Variants in WWOX observed in about 807,000 individuals in gnomAD.
WWOX encodes WW domain containing oxidoreductase.
In WWOX, 69 loss-of-function variants were observed where a neutral mutation model predicts 46.2. The ratio of observed to expected loss-of-function variants is 1.49; its 90% CI spans 1.23 to 1.82. The LOEUF is 1.82. Ranked by LOEUF, WWOX falls within the 40% of genes most tolerant of loss-of-function variation. The pLI, the probability that WWOX is intolerant of heterozygous loss-of-function variation, is 0.00. For missense variants in WWOX, 919 were observed against 542.6 expected (o/e 1.69, Z -6.89); for synonymous variants, 359 against 202.6 (o/e 1.77, Z -6.56).
chr16:78,292,969 T>C (rs1218948675), intron 5 of WWOX, among the ~76,000 whole-genome samples: 1 of 152,198 alleles, frequency 6.6e-6, no homozygotes, highest in East Asian at 1.9e-4. Flanking sequence ...CTCCCCACCC[T>C]TGTTGAACAG....
intron 8 of WWOX, among the ~76,000 whole-genome samples, chr16:78,466,797 G>A (rs968161606): frequency 5.9e-5 from 9 of 152,042 alleles, no homozygotes; most frequent in Admixed American, 2.0e-4. Context: ...GCAGTGAGCC[G>A]ATATCTCACC....
chr16:78,167,166 A>T (rs2035001419), intron 5 of WWOX: 1 of 152,188 alleles, frequency 6.6e-6, no homozygotes, highest in South Asian at 2.1e-4. Flanking sequence ...TATATATGAG[A>T]ACACATTCAT....
chr16:78,886,070 G>A lies in WWOX; in HGVS notation c.1057-325538G>A, dbSNP rs1159577553. 2.6e-5 allele frequency among the ~76,000 whole-genome samples: 4 copies of A among 151,590 alleles called. No homozygotes were observed. In the East Asian group the frequency reaches 7.8e-4, roughly 29 times the overall value. On this transcript the variant is annotated intron_variant, in intron 8 of 8. Transcript: ENST00000566780. ...ATCCTGAGTAGCTGGGATTACAGGT[G>A]CTCGCCACCACACCAGGCTAATTTT...
intron 8 of WWOX, among the ~76,000 whole-genome samples, chr16:78,940,780 C>T (rs960930207): frequency 6.9e-6 from 1 of 144,406 alleles, no homozygotes; most frequent in Admixed American, 7.2e-5. Context: ...TGTTTGTTAT[C>T]TTATTGTCCT....
At chr16:78,149,700 GA>G (rs2151718742) in intron 4 of WWOX, among the ~76,000 whole-genome samples, 1 of 152,288 alleles carries the variant, frequency 6.6e-6, no homozygotes, top group Admixed American at 6.5e-5. Context: ...GTACACATAT[GA>G]GAAGCCTATA....
chr16:78,735,200 C>G (rs1012012907), intron 8 of WWOX, among the ~76,000 whole-genome samples: 1 of 152,074 alleles, frequency 6.6e-6, no homozygotes, highest in East Asian at 1.9e-4. Flanking sequence ...CAGACTTGAA[C>G]TGAAGCATCA....
intron 5 of WWOX, among the ~76,000 whole-genome samples, chr16:78,305,883 A>G (rs1236788945): frequency 6.6e-6 from 1 of 151,990 alleles, no homozygotes; most frequent in East Asian, 1.9e-4. Context: ...TTTGGTTGGA[A>G]GAAAGGCTCA....
At chr16:78,897,678 G>A (rs2044734242) in intron 8 of WWOX, 1 of 152,048 alleles carries the variant, frequency 6.6e-6, no homozygotes, top group South Asian at 2.1e-4. Flanking sequence ...ATGTTTTTAT[G>A]TATTTTTGAT....
intron 8 of WWOX, among the ~76,000 whole-genome samples, chr16:78,869,272 T>A (rs62036233): frequency 6.6e-6 from 1 of 152,056 alleles, no homozygotes; most frequent in African/African-American, 2.4e-5. Flanking sequence ...AATGAAACAC[T>A]TAGGGGTTAG....
chr16:78,296,190 TG>T lies in WWOX; in HGVS notation c.517-90669del, dbSNP rs2151863748. On this transcript the variant is annotated intron_variant, in intron 5 of 8. Coordinates refer to ENST00000566780, the MANE Select transcript of WWOX (RefSeq NM_016373.4). ...TTGGGAAATTTGTAAAGCCTTACTT[TG>T]AATGTCTTTTTCTTCACTCTATCTG... Among the ~76,000 whole-genome samples, 2 of 152,336 alleles carry T rather than the reference TG, an allele frequency of 1.3e-5. 1 individual carries two copies. Among genetic ancestry groups the T allele is most frequent in the South Asian group, 4.1e-4 (2 of 4,822 alleles).
chr16:78,506,548 A>G (rs530833135), intron 8 of WWOX: 1 of 152,144 alleles, frequency 6.6e-6, no homozygotes, highest in Non-Finnish European at 1.5e-5. Context: ...CCTTTTCTGG[A>G]TGCAGGGACA....
chr16:79,129,216 C>T (rs1484723425), intron 8 of WWOX, among the ~76,000 whole-genome samples: 4 of 151,556 alleles, frequency 2.6e-5, no homozygotes, highest in African/African-American at 9.7e-5. Flanking sequence ...TGGGGAGAGA[C>T]CATCAGGGCC....
intron 8 of WWOX, among the ~76,000 whole-genome samples, chr16:78,812,442 C>G (rs533114363): frequency 8.0e-4 from 122 of 152,208 alleles, no homozygotes; most frequent in African/African-American, 2.8e-3. Context: ...ACATATCTGA[C>G]TGGGCATGGT....
chr16:78,633,369 G>A (rs1001811596), intron 8 of WWOX, among the ~76,000 whole-genome samples: 1 of 152,188 alleles, frequency 6.6e-6, no homozygotes, highest in African/African-American at 2.4e-5. Context: ...GAACCTAGGA[G>A]CTCTTGGATT....
intron 8 of WWOX, among the ~76,000 whole-genome samples, chr16:78,943,989 T>C (rs1471620501): frequency 6.6e-6 from 1 of 152,152 alleles, no homozygotes; most frequent in South Asian, 2.1e-4. Flanking sequence ...TCACCAGATA[T>C]TTTAGAAGCT....
chr16:78,972,076 A>G (rs547046546), intron 8 of WWOX, among the ~76,000 whole-genome samples: 54 of 152,300 alleles, frequency 3.5e-4, no homozygotes, highest in Non-Finnish European at 6.5e-4. Context: ...GTCTCCCCGT[A>G]TACCCAGCAG....
intron 8 of WWOX, among the ~76,000 whole-genome samples, chr16:79,208,703 C>T (rs965756830): frequency 6.6e-6 from 1 of 151,744 alleles, no homozygotes; most frequent in Non-Finnish European, 1.5e-5. Flanking sequence ...ATTGAGATTT[C>T]ACTAATGTGC....
At chr16:78,767,721 C>G (rs904501974) in intron 8 of WWOX, among the ~76,000 whole-genome samples, 1 of 152,030 alleles carries the variant, frequency 6.6e-6, no homozygotes, top group Non-Finnish European at 1.5e-5. Flanking sequence ...CCACATCTAC[C>G]CAATACTTAT....
At chr16:78,145,042 C>G (rs957171439) in intron 4 of WWOX, among the ~76,000 whole-genome samples, 1 of 152,040 alleles carries the variant, frequency 6.6e-6, no homozygotes, top group Non-Finnish European at 1.5e-5. Context: ...TAACAAAGCA[C>G]CACAAATTGG....
Sources: gnomAD v4.1 joint callset for allele counts (sites outside exome capture counted in the v4.1 genomes callset) on GRCh38, gnomAD v4.1.1 for gene constraint, MANE v1.5 for transcripts, NCBI Gene and HGNC (gene_info 2026-07-23, HGNC 2026-07-21) for gene names.